PRKCH: variants seen among roughly 807,000 people sequenced by gnomAD.
The protein encoded by PRKCH is protein kinase C eta type.
PRKCH carries 28 observed loss-of-function variants against 82.5 expected under a neutral mutation model. That is an observed-to-expected ratio of 0.34 (90% confidence interval 0.25 to 0.47). PRKCH has a LOEUF of 0.47. Ranked by LOEUF, PRKCH falls within the 20% of genes least tolerant of loss-of-function variation. The probability of loss-of-function intolerance (pLI) is 1.00; values close to 1 mark genes in which losing one functional copy is unlikely to be tolerated. For missense variants in PRKCH, 705 were observed against 881.8 expected, an observed-to-expected ratio of 0.80 and a Z score of 2.54; for synonymous variants, 322 against 327.4, an observed-to-expected ratio of 0.98 and a Z score of 0.18.
At chr14:61,492,240 T>C (rs1886478740) in intron 10 of PRKCH, 1 of 152,234 alleles carries the variant, frequency 6.6e-6, no homozygotes, top group African/African-American at 2.4e-5. Context: ...AAACACTCCT[T>C]GTAAATAATT....
chr14:61,257,609 ACACACACACACACACACACACCCC>A (rs1252877209), intron 1 of PRKCH, among the ~76,000 whole-genome samples: 2 of 49,918 alleles, frequency 4.0e-5, no homozygotes, highest in East Asian at 6.9e-4. Context: ...ACACAGACAC[ACACACACACACACACACACACCCC>A]CACACACACA....
chr14:61,395,625 A>G (rs958096181), intron 2 of PRKCH, among the ~76,000 whole-genome samples: 1 of 152,110 alleles, frequency 6.6e-6, no homozygotes, highest in Non-Finnish European at 1.5e-5. Context: ...ATGATATAAT[A>G]TATGGGGAAG....
intron 1 of PRKCH, chr14:61,306,329 ATCT>A (rs1354709541): frequency 2.0e-5 from 3 of 152,238 alleles, no homozygotes; most frequent in Non-Finnish European, 4.4e-5. Flanking sequence ...TGCTTGTGAA[ATCT>A]TCTTTGTCCT....
intron 2 of PRKCH, among the ~76,000 whole-genome samples, chr14:61,439,199 A>T (rs989744644): frequency 6.6e-6 from 1 of 152,138 alleles, no homozygotes; most frequent in Non-Finnish European, 1.5e-5. Flanking sequence ...TAGTCCTTTT[A>T]ACTCAGTCCT....
intron 1 of PRKCH, among the ~76,000 whole-genome samples, chr14:61,236,305 T>G (rs1166177445): frequency 6.6e-6 from 1 of 152,188 alleles, no homozygotes; most frequent in Non-Finnish European, 1.5e-5. Context: ...GGCTGAAACC[T>G]ACTGGACTGC....
intron 2 of PRKCH, among the ~76,000 whole-genome samples, chr14:61,405,402 A>G (rs1185399172): frequency 1.4e-5 from 2 of 147,584 alleles, no homozygotes; most frequent in South Asian, 2.1e-4. Flanking sequence ...TTTGAGACGG[A>G]GTCTCACTCT....
intron 2 of PRKCH, among the ~76,000 whole-genome samples, chr14:61,393,226 T>C (rs1349850182): frequency 2.6e-5 from 4 of 152,222 alleles, no homozygotes; most frequent in African/African-American, 9.7e-5. Flanking sequence ...TTTTGTATGT[T>C]TAAGGTTATT....
intron 1 of PRKCH, among the ~76,000 whole-genome samples, chr14:61,389,399 G>T (rs919041407): frequency 6.6e-6 from 1 of 151,866 alleles, no homozygotes; most frequent in African/African-American, 2.4e-5. Flanking sequence ...TGTTAGAAAC[G>T]CTAGGCCAAT....
rs116147988 is a variant in PRKCH at position 61,434,471 on chromosome 14, A to G, written c.428-8640A>G. Among the ~76,000 whole-genome samples the G allele has an allele frequency of 5.1e-3, 780 of 152,356 alleles. 7 individuals carry two copies. Among genetic ancestry groups the G allele is most frequent in the African/African-American group, 0.018 (736 of 41,576 alleles). Reference sequence around the variant, plus strand: ...TGAGAAAAAAAAACACCAAAAAGGAAGAAAGAAGAAGTGGCAGCTAAAAGC... The same window carrying G: ...TGAGAAAAAAAAACACCAAAAAGGAGGAAAGAAGAAGTGGCAGCTAAAAGC... On this transcript the variant is annotated intron_variant, in intron 2 of 13. Transcript: ENST00000332981.
In PRKCH at chr14:61,286,631, C is replaced by T. The variant is rs1320702802; in HGVS notation, c.-19+98963C>T. ...GTCTCTACTAAAAATACAAAATTAGCCGGGTATGGTGGCGCATGCCTGTAA... is the reference window on the plus strand; with the variant it reads ...GTCTCTACTAAAAATACAAAATTAGTCGGGTATGGTGGCGCATGCCTGTAA... On this transcript the variant is annotated intron_variant, in intron 1 of 3. Coordinates refer to the PRKCH transcript ENST00000555185. 2.0e-5 allele frequency among the ~76,000 whole-genome samples: 3 copies of T among 151,804 alleles called. No individual in the cohort carries two copies. In the South Asian group the frequency reaches 6.3e-4, roughly 32 times the overall value.
At chr14:61,549,363 C>T (rs1203247779) in intron 13 of PRKCH, among the ~76,000 whole-genome samples, 1 of 152,218 alleles carries the variant, frequency 6.6e-6, no homozygotes, top group Non-Finnish European at 1.5e-5. Flanking sequence ...TGAAATGCCA[C>T]CTTGGTGAAA....
intron 2 of PRKCH, among the ~76,000 whole-genome samples, chr14:61,394,295 TG>T (rs1183799457): frequency 1.3e-5 from 2 of 151,964 alleles, no homozygotes; most frequent in Admixed American, 6.6e-5. Flanking sequence ...GGTTACAATT[TG>T]GGGGGGTGTT....
chr14:61,220,454 A>G (rs1472557709), intron 1 of PRKCH, among the ~76,000 whole-genome samples: 1 of 152,252 alleles, frequency 6.6e-6, no homozygotes, highest in East Asian at 1.9e-4. Flanking sequence ...GAGATTTCTC[A>G]AGAAACACAA....
intron 1 of PRKCH, among the ~76,000 whole-genome samples, chr14:61,376,017 CAAAA>C (rs61102403): frequency 4.8e-5 from 3 of 62,336 alleles, no homozygotes; most frequent in African/African-American, 6.6e-5. Context: ...AATTCTGTCT[CAAAA>C]AAAAAAAAAA....
chr14:61,301,201 A>G (rs971119482), intron 1 of PRKCH, among the ~76,000 whole-genome samples: 2 of 152,196 alleles, frequency 1.3e-5, no homozygotes, highest in Non-Finnish European at 2.9e-5. Flanking sequence ...TACCCCAGAC[A>G]ATGACTCTAC....
intron 10 of PRKCH, among the ~76,000 whole-genome samples, chr14:61,504,513 A>G (rs1887054528): frequency 6.6e-6 from 1 of 152,184 alleles, no homozygotes; most frequent in Non-Finnish European, 1.5e-5. Flanking sequence ...TTTGGGCGGT[A>G]CACTGCATGG....
intron 1 of PRKCH, among the ~76,000 whole-genome samples, chr14:61,386,953 A>G (rs1393995575): frequency 1.3e-5 from 2 of 152,226 alleles, no homozygotes; most frequent in African/African-American, 4.8e-5. Context: ...AATCCCAAAG[A>G]ATCAAGCAAG....
chr14:61,419,605 C>T (rs1330891812), intron 2 of PRKCH, among the ~76,000 whole-genome samples: 1 of 152,198 alleles, frequency 6.6e-6, no homozygotes, highest in Non-Finnish European at 1.5e-5. Flanking sequence ...TTTAATTAAG[C>T]TCCTCCTTTA....
intron 12 of PRKCH, among the ~76,000 whole-genome samples, chr14:61,535,635 C>T (rs1352253983): frequency 2.6e-5 from 4 of 152,102 alleles, no homozygotes; most frequent in Non-Finnish European, 4.4e-5. Context: ...CTAGGTCACG[C>T]GAAGGAGTCT....
Sources: gnomAD v4.1 joint callset for allele counts (sites outside exome capture counted in the v4.1 genomes callset) on GRCh38, gnomAD v4.1.1 for gene constraint, MANE v1.5 for transcripts, NCBI Gene and HGNC (gene_info 2026-07-23, HGNC 2026-07-21) for gene names.